The following ADCY8 variants were observed in gnomAD, a reference collection of about 807,000 sequenced individuals.
ADCY8 encodes adenylate cyclase 8.
In ADCY8, 51 loss-of-function variants were observed where a neutral mutation model predicts 119.7. The ratio of observed to expected loss-of-function variants is 0.43; its 90% CI spans 0.34 to 0.54. ADCY8 has a LOEUF of 0.54. Among genes scored for constraint, ADCY8 ranks in the 20% least tolerant of loss-of-function variants. The pLI, the probability that ADCY8 is intolerant of heterozygous loss-of-function variation, is 0.03. For missense variants in ADCY8, 1,383 were observed against 1,598.8 expected (o/e 0.87, Z 2.30); for synonymous variants, 665 against 651.0 (o/e 1.02, Z -0.33).
chr8:130,870,820 G>A (rs2954690), intron 8 of ADCY8, among the ~76,000 whole-genome samples: 30,725 of 151,992 alleles, frequency 0.2, 3,455 homozygotes, highest in South Asian at 0.45. Context: ...GACAAAGTAC[G>A]GAGACGTACT....
chr8:130,792,503 T>C (rs2130078208), intron 15 of ADCY8, among the ~76,000 whole-genome samples: 1 of 152,306 alleles, frequency 6.6e-6, no homozygotes, highest in South Asian at 2.1e-4. Context: ...GATCTGCCAT[T>C]CTCAAAGCTG....
Position 130,988,834 on chromosome 8 carries a change from G to A in ADCY8, c.1110+1559C>T, listed in dbSNP as rs56790917. Among the ~76,000 whole-genome samples the A allele has an allele frequency of 4.6e-3, 707 of 152,288 alleles. 6 individuals carry two copies. The highest frequency in any genetic ancestry group is 0.017 in the African/African-American group (686 of 41,562). ...CAAAAAGTCTTATGGAGATGGTAAG[G>A]CAATATTTTTTAGTGTCTCCAATAT... On this transcript the variant is annotated intron_variant, in intron 2 of 17. Coordinates refer to ENST00000286355, the MANE Select transcript of ADCY8 (RefSeq NM_001115.3).
chr8:131,033,026 C>G (rs994779521), intron 1 of ADCY8, among the ~76,000 whole-genome samples: 1 of 152,142 alleles, frequency 6.6e-6, no homozygotes, highest in African/African-American at 2.4e-5. Context: ...AAGAGAAAAC[C>G]AAGAACACAC....
rs992317142 is a variant in ADCY8 at position 130,937,737 on chromosome 8, C to T, written c.1354-537G>A. On this transcript the variant is annotated intron_variant, in intron 4 of 17. Coordinates refer to ENST00000286355, the MANE Select transcript of ADCY8 (RefSeq NM_001115.3). ...AAGTCTTCTTATATATCCTTTTATTCGTTTATTAATTTATATGTTTGTTCA... is the reference window on the plus strand; with the variant it reads ...AAGTCTTCTTATATATCCTTTTATTTGTTTATTAATTTATATGTTTGTTCA... Among the ~76,000 whole-genome samples the T allele has an allele frequency of 4.6e-5, 7 of 152,250 alleles. No individual in the cohort carries two copies. The East Asian group carries it at 5.8e-4, about 13-fold the overall frequency.
chr8:130,862,702 C>T (rs1441886432), intron 9 of ADCY8, among the ~76,000 whole-genome samples: 3 of 152,178 alleles, frequency 2.0e-5, no homozygotes, highest in African/African-American at 4.8e-5. Context: ...CGTGAGCCAC[C>T]GCGCCTGGCC....
At chr8:130,995,176 T>C (rs1229435320) in intron 1 of ADCY8, among the ~76,000 whole-genome samples, 2 of 152,184 alleles carry the variant, frequency 1.3e-5, no homozygotes, top group Non-Finnish European at 2.9e-5. Context: ...AATATGACCA[T>C]CCATGTGCAA....
At chr8:131,028,068 G>A (rs1025171669) in intron 1 of ADCY8, among the ~76,000 whole-genome samples, 6 of 152,200 alleles carry the variant, frequency 3.9e-5, no homozygotes, top group African/African-American at 1.4e-4. Context: ...TGCCCTCAGA[G>A]GAGGAATATC....
chr8:130,908,209 C>T (rs1193543883), intron 6 of ADCY8, among the ~76,000 whole-genome samples: 1 of 152,168 alleles, frequency 6.6e-6, no homozygotes, highest in African/African-American at 2.4e-5. Flanking sequence ...TACAAACCCC[C>T]AAAGCATCCT....
intron 1 of ADCY8, among the ~76,000 whole-genome samples, chr8:131,013,768 C>G (rs1823384276): frequency 6.6e-6 from 1 of 152,126 alleles, no homozygotes; most frequent in Non-Finnish European, 1.5e-5. Flanking sequence ...TAGCAACTTG[C>G]CAAGGGCTTG....
rs1460037459 is a variant in ADCY8, at chr8:130,952,105, A to G, written c.1111-107T>C. On this transcript the variant is annotated intron_variant, in intron 2 of 17. Transcript: ENST00000286355. ...GGCTTTTGGATGAACTCCCTTTGGGATTGCTAATTTCATACCATTCTATGA... is the reference window on the plus strand; with the variant it reads ...GGCTTTTGGATGAACTCCCTTTGGGGTTGCTAATTTCATACCATTCTATGA... 8 of 1,296,526 alleles carry G rather than the reference A, an allele frequency of 6.2e-6. No homozygotes were observed. The Admixed American group carries it at 8.2e-5, about 13-fold the overall frequency. 80.3% of individuals were successfully genotyped at this position (1,296,526 alleles called of 1,614,324 possible).
At chr8:130,959,025 T>C (rs1037189626) in intron 2 of ADCY8, among the ~76,000 whole-genome samples, 3 of 152,208 alleles carry the variant, frequency 2.0e-5, no homozygotes, top group Non-Finnish European at 2.9e-5. Context: ...ATTTCTGTAA[T>C]TACGAACTTG....
intron 5 of ADCY8, among the ~76,000 whole-genome samples, chr8:130,912,703 T>C (rs1262759919): frequency 6.6e-6 from 1 of 152,200 alleles, no homozygotes; most frequent in Non-Finnish European, 1.5e-5. Flanking sequence ...GCAGGCAACC[T>C]GTGAACATTA....
At chr8:130,830,874 C>T (rs1388821816) in intron 12 of ADCY8, among the ~76,000 whole-genome samples, 3 of 152,144 alleles carry the variant, frequency 2.0e-5, no homozygotes, top group Non-Finnish European at 4.4e-5. Flanking sequence ...GGTTTTCTAA[C>T]CTGAATTACA....
At chr8:131,018,028 C>T (rs1002562902) in intron 1 of ADCY8, among the ~76,000 whole-genome samples, 9 of 152,016 alleles carry the variant, frequency 5.9e-5, no homozygotes, top group East Asian at 3.9e-4. Flanking sequence ...TTACAAATGC[C>T]GAGTATAAAC....
rs183502793 is a variant in ADCY8, at chr8:131,000,703, A to G, written c.961-10161T>C. On this transcript the variant is annotated intron_variant, in intron 1 of 17. Coordinates refer to ENST00000286355, the MANE Select transcript of ADCY8 (RefSeq NM_001115.3). ...TATAACAGCTGTGCTCACCAACCCC[A>G]TGGCTGAGTCTCTGCTGGACTAACA... is the stretch of plus-strand genomic sequence containing the variant. 5.1e-3 allele frequency among the ~76,000 whole-genome samples: 782 copies of G among 152,138 alleles called. 4 individuals carry two copies. The highest frequency in any genetic ancestry group is 7.1e-3 in the Non-Finnish European group (482 of 67,980).
chr8:130,864,479 T>A (rs992943794), intron 9 of ADCY8, among the ~76,000 whole-genome samples: 1 of 152,194 alleles, frequency 6.6e-6, no homozygotes, highest in African/African-American at 2.4e-5. Context: ...TCTAATTATG[T>A]GTATATTTCT....
At chr8:130,909,983 G>C in intron 5 of ADCY8, 117 bp from the exon 6 acceptor site, 5 of 959,808 alleles carry the variant, frequency 5.2e-6, no homozygotes, top group Non-Finnish European at 7.6e-6. Flanking sequence ...TGTCGCCCAG[G>C]CTGGAGTGCA....
At chr8:130,957,691 T>C (rs1821472570) in intron 2 of ADCY8, among the ~76,000 whole-genome samples, 1 of 152,194 alleles carries the variant, frequency 6.6e-6, no homozygotes, top group African/African-American at 2.4e-5. Flanking sequence ...CCATACTGTG[T>C]GCAGCCTAGG....
chr8:130,999,439 A>G (rs1172884245), intron 1 of ADCY8, among the ~76,000 whole-genome samples: 1 of 151,966 alleles, frequency 6.6e-6, no homozygotes, highest in Non-Finnish European at 1.5e-5. Flanking sequence ...AGTTGGAAGC[A>G]CTCACAGAGC....
Sources: gnomAD v4.1 joint callset for allele counts (sites outside exome capture counted in the v4.1 genomes callset) on GRCh38, gnomAD v4.1.1 for gene constraint, MANE v1.5 for transcripts, NCBI Gene and HGNC (gene_info 2026-07-23, HGNC 2026-07-21) for gene names.